The following NDUFA10 variants were observed in gnomAD, a reference collection of about 807,000 sequenced individuals.
The protein encoded by NDUFA10 is NADH:ubiquinone oxidoreductase subunit A10.
A neutral mutation model predicts 47.8 loss-of-function variants in NDUFA10; 40 were observed. That is an observed-to-expected ratio of 0.84 (90% CI 0.65 to 1.09). NDUFA10 has a LOEUF of 1.09. Ranked by LOEUF, NDUFA10 falls within the 50% of genes least tolerant of loss-of-function variation. The pLI, the probability that NDUFA10 is intolerant of heterozygous loss-of-function variation, is 0.00. For missense variants in NDUFA10, 413 were observed against 451.1 expected (o/e 0.92, Z 0.76); for synonymous variants, 183 against 172.2 (o/e 1.06, Z -0.49).
rs982107566 is a variant in NDUFA10 at position 240,019,532 on chromosome 2, G to T, written c.461-893C>A. ...GGTTGAAGAATGCTTTAAAAAGAAC[G>T]TGGAGGCCGGGCGCGGTGGCTCACG... On this transcript the variant is annotated intron_variant, in intron 3 of 9. Coordinates refer to ENST00000252711, the MANE Select transcript of NDUFA10 (RefSeq NM_004544.4). 9.0e-5 allele frequency among the ~76,000 whole-genome samples: 9 copies of T among 99,570 alleles called. 2 individuals are homozygous for T. Among genetic ancestry groups the T allele is most frequent in the Non-Finnish European group, 2.0e-4 (9 of 45,784 alleles). The allele number at this position is 99,570 out of a possible 152,430, so 65.3% of individuals were successfully genotyped here. A position where few individuals can be genotyped will look rare whatever the true frequency, so the allele number is the denominator to read the frequency against.
chr2:240,022,941 G>C (rs1251147731), intron 1 of NDUFA10, among the ~76,000 whole-genome samples: 1 of 152,162 alleles, frequency 6.6e-6, no homozygotes, highest in East Asian at 1.9e-4. Context: ...GCAAATTTGA[G>C]TGTCGTCTTT....
chr2:239,941,906 A>T (rs959565535), intron 4 of NDUFA10, among the ~76,000 whole-genome samples: 1 of 152,200 alleles, frequency 6.6e-6, no homozygotes, highest in Non-Finnish European at 1.5e-5. Context: ...AATTACATTT[A>T]ATTTATTTTA....
chr2:239,944,208 A>T (rs541894264), intron 4 of NDUFA10, among the ~76,000 whole-genome samples: 1 of 152,334 alleles, frequency 6.6e-6, no homozygotes, highest in South Asian at 2.1e-4. Context: ...TCCTGCCAAG[A>T]TCCTGAGGCC....
rs369376438 is a variant in NDUFA10 at position 239,975,709 on chromosome 2, G to A, written c.999+14365C>T. Among the ~76,000 whole-genome samples, 35 of 152,110 alleles carry A rather than the reference G, an allele frequency of 2.3e-4. No individual in the cohort carries two copies. The East Asian group carries it at 6.2e-3, about 27-fold the overall frequency. ...CTCTGCTCTTTCCCCTTCTTGTCAG[G>A]TCCTATTCAGCCCATGACACTCCAG... On this transcript the variant is annotated intron_variant, in intron 9 of 9. Coordinates refer to ENST00000252711, the MANE Select transcript of NDUFA10 (RefSeq NM_004544.4).
intron 4 of NDUFA10, among the ~76,000 whole-genome samples, chr2:239,922,806 C>T (rs976317888): frequency 4.6e-5 from 7 of 152,180 alleles, no homozygotes; most frequent in East Asian, 1.9e-4. Context: ...TAAGAATCCC[C>T]GGCCCCATCA....
chr2:239,913,634 G>T (rs756428493), intron 4 of NDUFA10, among the ~76,000 whole-genome samples: 1 of 152,238 alleles, frequency 6.6e-6, no homozygotes, highest in South Asian at 2.1e-4. Flanking sequence ...GCATGTATGC[G>T]TCAGGCTCAC....
At chr2:239,991,884 A>G (rs557987534) in intron 8 of NDUFA10, among the ~76,000 whole-genome samples, 1 of 152,266 alleles carries the variant, frequency 6.6e-6, no homozygotes. Flanking sequence ...TGTGTAGTAT[A>G]GAGAGCAACA....
In NDUFA10 at chr2:240,016,424, G is replaced by T. The variant is rs904485161; in HGVS notation, c.548-1564C>A. On this transcript the variant is annotated intron_variant, in intron 4 of 9. Transcript: ENST00000252711. This position sits in a 1 kb window ranked among gnomAD's most constrained non-coding sequence, Gnocchi z 4.4. ...TGTCAGTACACCCACTTCTCAGGTGGTCCCCACCTTGCTCTATGCCACCTG... is the reference window on the plus strand; with the variant it reads ...TGTCAGTACACCCACTTCTCAGGTGTTCCCCACCTTGCTCTATGCCACCTG... 2.0e-5 allele frequency among the ~76,000 whole-genome samples: 3 copies of T among 152,068 alleles called. No individual in the cohort carries two copies. Among genetic ancestry groups the T allele is most frequent in the African/African-American group, 7.3e-5 (3 of 41,378 alleles).
At chr2:239,909,823 A>G (rs1693718369) in intron 4 of NDUFA10, among the ~76,000 whole-genome samples, 1 of 152,212 alleles carries the variant, frequency 6.6e-6, no homozygotes, top group Non-Finnish European at 1.5e-5. Context: ...GGCAACCTAC[A>G]GAGTGGGAGA....
intron 5 of NDUFA10, chr2:240,012,085 A>C: frequency 6.9e-6 from 2 of 291,650 alleles, no homozygotes; most frequent in South Asian, 3.3e-5. Context: ...TCCTCAGCAC[A>C]CTCTCTTCTT....
chr2:239,983,702 C>G (rs756481317), intron 9 of NDUFA10: 1 of 1,571,114 alleles, frequency 6.4e-7, no homozygotes, highest in African/African-American at 1.4e-5. Context: ...CCAAAACACA[C>G]AGTCCAATCT....
intron 9 of NDUFA10, chr2:239,969,489 T>C (rs1046207134): frequency 5.6e-6 from 2 of 357,682 alleles, no homozygotes; most frequent in African/African-American, 4.3e-5. Context: ...CGTTACAGAA[T>C]GTGCCTGGTC....
At chr2:240,012,452 G>T (rs1697179955) in intron 5 of NDUFA10, 1 of 152,424 alleles carries the variant, frequency 6.6e-6, no homozygotes, top group South Asian at 2.1e-4. Context: ...ACCAAGCAGG[G>T]TCTAGGACAG....
At chr2:240,025,164 T>TGCCCCCCCCCCCCCCCCCCCCCCCCC in intron 1 of NDUFA10, 63 bp downstream of exon 1, 1 of 594,916 alleles carries the variant, frequency 1.7e-6, no homozygotes. Context: ...GTGGAACTGC[T>TGCCCCCCCCCCCCCCCCCCCCCCCCC]CCCCACCCCG....
chr2:240,021,356 C>T lies in NDUFA10; in HGVS notation c.301G>A (p.Gly101Arg). The change falls in exon 3 of 10, where the codon GGG (glycine) becomes AGG (arginine). Residue 101 changes from glycine (G) to arginine (R), a missense_variant. Coordinates refer to ENST00000252711, the MANE Select transcript of NDUFA10 (RefSeq NM_004544.4). ...IHYPDSTTGD[G>R]KPLATDYNGN... The stretch of plus-strand genomic sequence containing the variant: ...TTATAGTCGGTGGCGAGGGGCTTCC[C>T]ATCTCCTGTGGTACTGTCTGGATAA... 2.5e-6 allele frequency: 4 copies of T among 1,614,180 alleles called. No individual in the cohort carries two copies. Among genetic ancestry groups the T allele is most frequent in the Non-Finnish European group, 3.4e-6 (4 of 1,180,022 alleles).
At chr2:239,982,170 G>T (rs534334715) in intron 9 of NDUFA10, 1 of 1,612,760 alleles carries the variant, frequency 6.2e-7, no homozygotes, top group Non-Finnish European at 8.5e-7. Flanking sequence ...AAGCACTTCA[G>T]GACCCTCTCT....
In NDUFA10 at chr2:239,982,108, C is replaced by G. The variant is rs368893528; in HGVS notation, c.999+7966G>C. On this transcript the variant is annotated intron_variant, in intron 9 of 9. Transcript: ENST00000252711. ...CCTGCAGCAAACCAGTGACCTGACA[C>G]GTGTACCTGAAGACCGATGAGAAGG... 7.3e-5 allele frequency: 118 copies of G among 1,612,666 alleles called. 1 individual carries two copies. In the East Asian group the frequency reaches 1.6e-3, roughly 22 times the overall value.
At chr2:240,003,203 A>G (rs1418349064) in intron 8 of NDUFA10, among the ~76,000 whole-genome samples, 2 of 152,314 alleles carry the variant, frequency 1.3e-5, no homozygotes, top group East Asian at 1.9e-4. Context: ...TTTTAGTGAC[A>G]TGTGCAGTGA....
Position 239,933,502 on chromosome 2 carries a change from G to A in NDUFA10, c.295-38188C>T, listed in dbSNP as rs188055297. Among the ~76,000 whole-genome samples the A allele has an allele frequency of 1.8e-4, 24 of 135,612 alleles. 1 individual carries two copies. In the East Asian group the frequency reaches 4.7e-3, roughly 26 times the overall value. 89.0% of individuals were successfully genotyped at this position (135,612 alleles called of 152,430 possible). On this transcript the variant is annotated intron_variant, in intron 4 of 5. Transcript: ENST00000419408. ...GACAGCCAAGCCACGGAGCCTCCAT[G>A]GTTTTTTTTTTGTTTTTTTGTTTTG...
Sources: allele counts gnomAD v4.1 joint callset (sites outside exome capture counted in the v4.1 genomes callset), GRCh38; gene constraint gnomAD v4.1.1; non-coding constraint Gnocchi (gnomAD v3.1); transcripts MANE v1.5; gene names NCBI Gene and HGNC (gene_info 2026-07-23, HGNC 2026-07-21).